STAP1: variants seen among roughly 807,000 people sequenced by gnomAD.
The protein encoded by STAP1 is signal transducing adaptor family member 1.
In STAP1, 30 loss-of-function variants were observed where a neutral mutation model predicts 37.8. That is an observed-to-expected ratio of 0.79 (90% confidence interval 0.59 to 1.08). The LOEUF (loss-of-function observed/expected upper bound fraction) is 1.08, where lower values mean the gene tolerates loss of function less well. STAP1 is among the 50% of genes least tolerant of loss of function. STAP1 has a pLI of 0.00. For synonymous variants in STAP1, 130 were observed against 116.0 expected (o/e 1.12, Z -0.78); for missense variants, 357 against 349.4 (o/e 1.02, Z -0.17).
intron 3 of STAP1, 45 bp from the exon 4 acceptor site, chr4:67,577,158 T>C: frequency 6.5e-7 from 1 of 1,534,168 alleles, no homozygotes; most frequent in Non-Finnish European, 8.9e-7. Context: ...CAATCACTCA[T>C]GTATTTCCTT....
intron 8 of STAP1, among the ~76,000 whole-genome samples, chr4:67,602,232 A>T (rs1408751835): frequency 2.0e-5 from 3 of 151,922 alleles, no homozygotes; most frequent in African/African-American, 7.3e-5. Flanking sequence ...ATGTGATGGG[A>T]TTCTGAATTC....
At chr4:67,584,097 C>CG (rs1394018172) in intron 6 of STAP1, among the ~76,000 whole-genome samples, 189 of 7,688 alleles carry the variant, frequency 0.025, 2 homozygotes, top group African/African-American at 0.073. Flanking sequence ...GACTCGGTCT[C>CG]GAAAAAAAAA....
chr4:67,566,081 T>C (rs1318575420), intron 1 of STAP1, among the ~76,000 whole-genome samples: 1 of 151,398 alleles, frequency 6.6e-6, no homozygotes, highest in Non-Finnish European at 1.5e-5. Flanking sequence ...CCCAAGTAGC[T>C]GGGATTACAG....
chr4:67,605,125 G>A (rs1728423141), intron 8 of STAP1, among the ~76,000 whole-genome samples: 2 of 152,174 alleles, frequency 1.3e-5, no homozygotes, highest in Admixed American at 1.3e-4. Context: ...TAGCTAGAAT[G>A]ATGGAGCTTA....
intron 8 of STAP1, among the ~76,000 whole-genome samples, chr4:67,597,696 T>C (rs573421449): frequency 1.3e-5 from 2 of 152,352 alleles, no homozygotes; most frequent in South Asian, 2.1e-4. Flanking sequence ...AAGATTATTT[T>C]GGAGCTTTAA....
chr4:67,577,500 G>A (rs944448888), intron 4 of STAP1, among the ~76,000 whole-genome samples: 17 of 152,024 alleles, frequency 1.1e-4, no homozygotes, highest in South Asian at 4.1e-4. Context: ...AATAAACAAG[G>A]CAATTCGCTA....
At chr4:67,581,259 T>A in intron 4 of STAP1, 46 bp from the exon 5 acceptor site, 1 of 1,582,200 alleles carries the variant, frequency 6.3e-7, no homozygotes, top group Admixed American at 1.8e-5. Flanking sequence ...AAGTTATAAG[T>A]TATTAAGCTG....
rs143480023 is a variant in STAP1 at position 67,558,901 on chromosome 4, T to A, written c.92T>A (p.Phe31Tyr). The change falls in exon 1 of 9, where the codon TTT (phenylalanine) becomes TAT (tyrosine). Residue 31 changes from phenylalanine (F) to tyrosine (Y), a missense_variant. Transcript: ENST00000265404. Reference protein sequence around the residue: ...ITALPLYFEGFLLIKRSGYRE... With the variant: ...ITALPLYFEGYLLIKRSGYRE... The stretch of plus-strand genomic sequence containing the variant: ...GCTCTACCTTTGTACTTTGAAGGTT[T>A]TTTATTAATCAAGCGGTCAGGATAC... 6.2e-7 allele frequency: 1 copy of A among 1,613,256 alleles called. No homozygotes were observed. The highest frequency in any genetic ancestry group is 8.5e-7 in the Non-Finnish European group (1 of 1,179,502).
chr4:67,558,825 C>A lies in STAP1; in HGVS notation c.16C>A (p.Pro6Thr). 1 of 1,612,722 alleles carries A rather than the reference C, an allele frequency of 6.2e-7. No individual in the cohort carries two copies. Among genetic ancestry groups the A allele is most frequent in the South Asian group, 1.1e-5 (1 of 90,940 alleles). The change falls in exon 1 of 9, where the codon CCC becomes ACC. Residue 6 changes from proline to threonine, a missense_variant. By Grantham distance (38) the Pro-to-Thr change is conservative (BLOSUM62 -1). Transcript: ENST00000265404. Reference sequence around the variant, plus strand: ...AGAGAGGGGTATGATGGCTAAGAAGCCCCCAAAACCAGCCCCTCGCAGGAT... The same window carrying A: ...AGAGAGGGGTATGATGGCTAAGAAGACCCCAAAACCAGCCCCTCGCAGGAT... The part of the protein sequence containing the change: MMAKK[P>T]PKPAPRRIFQ...
rs754905134 is a variant in STAP1, at chr4:67,571,132, T to C, written c.169T>C (p.Tyr57His). The C allele has an allele frequency of 1.2e-6, 2 of 1,610,826 alleles. No individual in the cohort carries two copies. The highest frequency in any genetic ancestry group is 1.7e-6 in the Non-Finnish European group (2 of 1,177,142). Residue 57 changes from tyrosine to histidine, a missense_variant, in exon 2 of 9, where the codon TAT (tyrosine) becomes CAT (histidine). Physicochemically the swap from Tyr to His is moderately conservative, Grantham distance 83 (BLOSUM62 2). Transcript: ENST00000265404. ...GTTGAGAGGAACTACTCTTTTCTTT[T>C]ATACCGACAAAAAGAGTATAATAGT... ...TELRGTTLFFYTDKKSIIYVD... is the reference protein window; with the variant it reads ...TELRGTTLFFHTDKKSIIYVD...
At chr4:67,595,794 C>G (rs530087349) in intron 8 of STAP1, among the ~76,000 whole-genome samples, 39 of 152,226 alleles carry the variant, frequency 2.6e-4, no homozygotes, top group African/African-American at 8.4e-4. Context: ...CATCCTGTTG[C>G]CATCCAGAGA....
intron 1 of STAP1, among the ~76,000 whole-genome samples, chr4:67,566,274 T>C (rs1483468030): frequency 6.6e-6 from 1 of 152,082 alleles, no homozygotes; most frequent in Non-Finnish European, 1.5e-5. Flanking sequence ...ACATTTTTTA[T>C]ATACTCTTTT....
At chr4:67,589,670 A>G (rs1013043875) in intron 6 of STAP1, among the ~76,000 whole-genome samples, 3 of 152,198 alleles carry the variant, frequency 2.0e-5, no homozygotes, top group African/African-American at 7.2e-5. Flanking sequence ...TTTTCATCCT[A>G]ACATGCTTGC....
chr4:67,577,651 C>CTTTCTTTTTTTT (rs144082927), intron 4 of STAP1, among the ~76,000 whole-genome samples: 2 of 91,540 alleles, frequency 2.2e-5, no homozygotes, highest in Non-Finnish European at 2.2e-5. Flanking sequence ...TTCTTTCTTT[C>CTTTCTTTTTTTT]TTTTTTTTTT....
At position 67,571,167 on chromosome 4, in the gene STAP1, T is replaced by A. The variant is rs769081554; in HGVS notation, c.192+12T>A. ...AAAAGAGTATAATAGTAAGTAAATA[T>A]GTTGAGCTGATTCCATTGTTTCCCA... is the stretch of plus-strand genomic sequence containing the variant. On this transcript the variant is annotated intron_variant, in intron 2 of 8. Coordinates refer to ENST00000265404, the MANE Select transcript of STAP1 (RefSeq NM_012108.4). 44 of 1,544,576 alleles carry A rather than the reference T, an allele frequency of 2.8e-5. No homozygotes were observed. The highest frequency in any genetic ancestry group is 3.8e-5 in the Non-Finnish European group (43 of 1,117,978).
intron 1 of STAP1, among the ~76,000 whole-genome samples, chr4:67,567,929 C>A (rs1376095217): frequency 6.6e-6 from 1 of 152,180 alleles, no homozygotes; most frequent in Non-Finnish European, 1.5e-5. Context: ...AAATAGAAAT[C>A]ATTTGCTTAT....
chr4:67,597,576 A>G lies in STAP1; in HGVS notation c.826+4220A>G, dbSNP rs577706702. Among the ~76,000 whole-genome samples the G allele has an allele frequency of 3.3e-5, 5 of 152,344 alleles. No homozygotes were observed. In the South Asian group the frequency reaches 1.0e-3, roughly 32 times the overall value. On this transcript the variant is annotated intron_variant, in intron 8 of 8. Transcript: ENST00000265404. ...CAGGCACTTAATGCCAGCCCATGAA[A>G]GCAGCCGCAGGGGATGTACCCTGCA...
At chr4:67,584,313 C>T (rs957061928) in intron 6 of STAP1, among the ~76,000 whole-genome samples, 8 of 151,888 alleles carry the variant, frequency 5.3e-5, no homozygotes, top group South Asian at 2.1e-4. Context: ...ACTGAGAATA[C>T]GCAGTGAAAA....
At chr4:67,566,046 T>G (rs1357895136) in intron 1 of STAP1, among the ~76,000 whole-genome samples, 1 of 146,152 alleles carries the variant, frequency 6.8e-6, no homozygotes, top group East Asian at 2.0e-4. Context: ...CTTCCTGGGT[T>G]CAAGAGATTC....
Sources: allele counts gnomAD v4.1 joint callset (sites outside exome capture counted in the v4.1 genomes callset), GRCh38; gene constraint gnomAD v4.1.1; transcripts MANE v1.5; gene names NCBI Gene and HGNC (gene_info 2026-07-23, HGNC 2026-07-21).